CNTN4: variants seen among roughly 807,000 people sequenced by gnomAD.
CNTN4 encodes contactin-4.
Under a neutral mutation model 122.5 loss-of-function variants are expected in CNTN4, and 77 were observed. The observed-to-expected ratio is 0.63, with a 90% confidence interval of 0.52 to 0.76. The LOEUF (loss-of-function observed/expected upper bound fraction) is 0.76. Ranked by LOEUF, CNTN4 falls within the 30% of genes least tolerant of loss-of-function variation. CNTN4 has a pLI of 0.00. For synonymous variants in CNTN4, 512 were observed against 447.0 expected (o/e 1.15, Z -1.83); for missense variants, 1,256 against 1,259.1 (o/e 1.00, Z 0.04).
At chr3:2,443,579 A>G (rs962280432) in intron 3 of CNTN4, among the ~76,000 whole-genome samples, 3 of 152,164 alleles carry the variant, frequency 2.0e-5, no homozygotes, top group Admixed American at 1.3e-4. Flanking sequence ...CACAAATCAC[A>G]ATAGTCCAAT....
chr3:3,030,040 G>A (rs1048612731), intron 15 of CNTN4, among the ~76,000 whole-genome samples: 1 of 152,048 alleles, frequency 6.6e-6, no homozygotes, highest in Non-Finnish European at 1.5e-5. Flanking sequence ...TTTCAAATCT[G>A]GCCTCTAGGG....
intron 2 of CNTN4, among the ~76,000 whole-genome samples, chr3:2,130,423 C>G (rs1574900138): frequency 6.6e-6 from 1 of 152,090 alleles, no homozygotes; most frequent in Non-Finnish European, 1.5e-5. Flanking sequence ...TGTGAGAAAC[C>G]TACAAGTATA....
At chr3:2,664,206 A>G (rs936367337) in intron 4 of CNTN4, among the ~76,000 whole-genome samples, 1 of 152,204 alleles carries the variant, frequency 6.6e-6, no homozygotes, top group African/African-American at 2.4e-5. Flanking sequence ...AGAAAACCAA[A>G]AAAGGAAAGT....
chr3:2,932,250 C>T (rs141741629), intron 13 of CNTN4, among the ~76,000 whole-genome samples: 38,254 of 151,902 alleles, frequency 0.25, 5,818 homozygotes, highest in East Asian at 0.46. Flanking sequence ...TGGTGGTGGG[C>T]GCCTGTAGTC....
chr3:2,286,354 CT>C (rs887921434), intron 2 of CNTN4, among the ~76,000 whole-genome samples: 7 of 149,746 alleles, frequency 4.7e-5, no homozygotes, highest in Non-Finnish European at 5.9e-5. Flanking sequence ...GAGAAATTCT[CT>C]TTTTTTTAAG....
At chr3:2,170,312 T>C (rs2036443491) in intron 2 of CNTN4, among the ~76,000 whole-genome samples, 1 of 151,810 alleles carries the variant, frequency 6.6e-6, no homozygotes, top group East Asian at 1.9e-4. Flanking sequence ...ACACCAAGAC[T>C]CCGTCTCAAA....
In CNTN4 at chr3:3,047,942, G is replaced by A. The variant is rs568514792; in HGVS notation, c.2811+4238G>A. On this transcript the variant is annotated intron_variant, in intron 23 of 24. Coordinates refer to ENST00000418658, the MANE Select transcript of CNTN4 (RefSeq NM_175607.3). ...TAGATGCAATAAAAAATGATCAAGG[G>A]GATATCACCACCCTTGAGAGTGGGT... Among the ~76,000 whole-genome samples the A allele has an allele frequency of 2.6e-3, 396 of 152,088 alleles. 3 individuals carry two copies. The highest frequency in any genetic ancestry group is 4.8e-3 in the Non-Finnish European group (328 of 67,998).
chr3:2,669,991 C>G (rs1005069587), intron 4 of CNTN4, among the ~76,000 whole-genome samples: 26 of 152,186 alleles, frequency 1.7e-4, no homozygotes, highest in African/African-American at 5.6e-4. Flanking sequence ...TTTACATTTG[C>G]TGAGGAGTGC....
chr3:2,411,501 T>G, intron 3 of CNTN4, among the ~76,000 whole-genome samples: 1 of 152,186 alleles, frequency 6.6e-6, no homozygotes. Flanking sequence ...ATAAAATATT[T>G]TGAAGTTGCA....
At chr3:2,988,868 A>G in intron 14 of CNTN4, 2 of 246,888 alleles carry the variant, frequency 8.1e-6, no homozygotes, top group Non-Finnish European at 1.6e-5. Flanking sequence ...TGTTTAAACA[A>G]TGACATTGGT....
intron 3 of CNTN4, among the ~76,000 whole-genome samples, chr3:2,566,891 T>G (rs935848401): frequency 6.6e-6 from 1 of 152,186 alleles, no homozygotes; most frequent in African/African-American, 2.4e-5. Context: ...TTGGAAGTAT[T>G]CTTAGTAATT....
chr3:2,449,500 A>G (rs1235054549), intron 3 of CNTN4, among the ~76,000 whole-genome samples: 1 of 151,962 alleles, frequency 6.6e-6, no homozygotes, highest in Non-Finnish European at 1.5e-5. Context: ...CTGTTATCCC[A>G]GCTACTAGGG....
At chr3:2,150,478 A>G (rs1189532696) in intron 2 of CNTN4, among the ~76,000 whole-genome samples, 1 of 151,970 alleles carries the variant, frequency 6.6e-6, no homozygotes, top group Non-Finnish European at 1.5e-5. Context: ...ATGTTTTTCT[A>G]TTTTCTTCCC....
intron 4 of CNTN4, among the ~76,000 whole-genome samples, chr3:2,653,669 A>T (rs1238797519): frequency 6.6e-6 from 1 of 152,044 alleles, no homozygotes. Context: ...TAGTCTCCCC[A>T]TCTCTTTTTG....
intron 3 of CNTN4, among the ~76,000 whole-genome samples, chr3:2,535,352 G>C (rs1253729123): frequency 1.3e-5 from 2 of 152,108 alleles, no homozygotes. Flanking sequence ...ATCTCTTACT[G>C]ATATCTGTCT....
chr3:2,593,243 G>T (rs546291089), intron 4 of CNTN4, among the ~76,000 whole-genome samples: 3 of 152,288 alleles, frequency 2.0e-5, no homozygotes, highest in African/African-American at 7.2e-5. Flanking sequence ...TTGTTGACTG[G>T]CTAATAGCTA....
chr3:2,624,798 A>G (rs112065063), intron 4 of CNTN4, among the ~76,000 whole-genome samples: 3,436 of 151,376 alleles, frequency 0.023, 122 homozygotes, highest in African/African-American at 0.079. Context: ...CTCCCAGCTA[A>G]TTTTTGTATT....
intron 4 of CNTN4, among the ~76,000 whole-genome samples, chr3:2,600,980 T>G (rs984069745): frequency 8.5e-5 from 13 of 152,250 alleles, no homozygotes; most frequent in African/African-American, 3.1e-4. Flanking sequence ...CATGTGTCTG[T>G]TGGCTGCATA....
chr3:2,899,431 A>C (rs1053933332), intron 10 of CNTN4, among the ~76,000 whole-genome samples: 6 of 152,180 alleles, frequency 3.9e-5, no homozygotes, highest in Non-Finnish European at 8.8e-5. Flanking sequence ...TACCCTGTAG[A>C]AATGCCCTGT....
Sources: allele counts gnomAD v4.1 joint callset (sites outside exome capture counted in the v4.1 genomes callset), GRCh38; gene constraint gnomAD v4.1.1; transcripts MANE v1.5; gene names NCBI Gene and HGNC (gene_info 2026-07-23, HGNC 2026-07-21).